Variants in ARHGEF10 observed in about 807,000 individuals in gnomAD.
The protein encoded by ARHGEF10 is Rho guanine nucleotide exchange factor 10, also known as Rho guanine nucleotide exchange factor (GEF) 10.
In ARHGEF10, 140 loss-of-function variants were observed where a neutral mutation model predicts 147.4. That is an observed-to-expected ratio of 0.95 (90% CI 0.83 to 1.09). The LOEUF (loss-of-function observed/expected upper bound fraction) is 1.09, where lower values mean the gene tolerates loss of function less well. Ranked by LOEUF, ARHGEF10 falls within the 50% of genes least tolerant of loss-of-function variation. The probability of loss-of-function intolerance (pLI) is 0.00; values close to 1 mark genes in which losing one functional copy is unlikely to be tolerated. For synonymous variants in ARHGEF10, 902 were observed against 695.8 expected (o/e 1.30, Z -4.67); for missense variants, 2,222 against 1,752.7 (o/e 1.27, Z -4.78).
chr8:1,843,755 A>G (rs1047237241), intron 2 of ARHGEF10, among the ~76,000 whole-genome samples: 1 of 152,306 alleles, frequency 6.6e-6, no homozygotes, highest in African/African-American at 2.4e-5. Context: ...GGGTTGTTAC[A>G]GAATGGCGCC....
chr8:1,871,798 C>T (rs1478325074), intron 7 of ARHGEF10, among the ~76,000 whole-genome samples: 1 of 152,110 alleles, frequency 6.6e-6, no homozygotes, highest in Non-Finnish European at 1.5e-5. Flanking sequence ...GCCTGGGCAA[C>T]AGAGCGAGAC....
intron 7 of ARHGEF10, among the ~76,000 whole-genome samples, chr8:1,874,777 A>AC (rs1563212557): frequency 5.1e-5 from 7 of 137,374 alleles, no homozygotes; most frequent in African/African-American, 2.0e-4. Flanking sequence ...GACACACACC[A>AC]GGGCGTGTAG....
chr8:1,857,881 TC>T, intron 2 of ARHGEF10, 78 bp from the exon 3 acceptor site: 2 of 608,892 alleles, frequency 3.3e-6, no homozygotes, highest in South Asian at 2.3e-5. Context: ...GATCGATCGA[TC>T]TATCTATCTA....
At position 1,957,452 on chromosome 8, in the gene ARHGEF10, G is replaced by C; in HGVS notation, c.*189G>C. Reference sequence around the variant, plus strand: ...TTCCTTCCTTCTCTTCTGTACAGCAGAAGTAATTACAAGCACTTCTCACGA... The same window carrying C: ...TTCCTTCCTTCTCTTCTGTACAGCACAAGTAATTACAAGCACTTCTCACGA... On this transcript the variant is annotated 3_prime_UTR_variant, in exon 29 of 29. Coordinates refer to ENST00000349830, the MANE Select transcript of ARHGEF10 (RefSeq NM_014629.4). The C allele has an allele frequency of 1.2e-6, 1 of 817,186 alleles. No homozygotes were observed. The highest frequency in any genetic ancestry group is 1.9e-6 in the Non-Finnish European group (1 of 532,856). The allele number at this position is 817,186 out of a possible 1,614,324, so 50.6% of individuals were successfully genotyped here.
At position 1,956,918 on chromosome 8, in the gene ARHGEF10, A is replaced by G. The variant is rs1412280190; in HGVS notation, c.3690A>G (p.Ser1230=). 2 of 1,614,154 alleles carry G rather than the reference A, an allele frequency of 1.2e-6. No homozygotes were observed. The highest frequency in any genetic ancestry group is 1.1e-5 in the South Asian group (1 of 91,080). The part of the protein sequence containing the change: ...KDALPSGGAG[S]SLSQGDPDAA... ...CACTTCCGAGTGGAGGAGCTGGTTC[A>G]TCTCTGAGCCAGGGTGACCCTGACG... is the stretch of plus-strand genomic sequence containing the variant. The change falls in exon 29 of 29, where the codon TCA becomes TCG. Residue 1230 remains serine (S), a synonymous_variant. Transcript: ENST00000349830.
chr8:1,833,415 C>T (rs112146234), intron 1 of ARHGEF10, among the ~76,000 whole-genome samples: 1 of 147,910 alleles, frequency 6.8e-6, no homozygotes, highest in African/African-American at 2.5e-5. Context: ...GAGACAGAGG[C>T]AGAGACAGAG....
In ARHGEF10 at chr8:1,845,308, C is replaced by T. The variant is rs79551701; in HGVS notation, c.37+1872C>T. 5.5e-3 allele frequency among the ~76,000 whole-genome samples: 835 copies of T among 152,336 alleles called. 7 individuals are homozygous for T. Among genetic ancestry groups the T allele is most frequent in the African/African-American group, 0.019 (799 of 41,566 alleles). ...CCCTCCAGGGGCCCCCTCCCGCCTC[C>T]CTGCTTTCTTTTTGGCATTTCTTGG... On this transcript the variant is annotated intron_variant, in intron 2 of 28. Transcript: ENST00000349830.
At chr8:1,831,237 GAC>G (rs1803080015) in intron 1 of ARHGEF10, among the ~76,000 whole-genome samples, 2 of 147,680 alleles carry the variant, frequency 1.4e-5, no homozygotes, top group Admixed American at 7.7e-5. Flanking sequence ...GGGACAGTGT[GAC>G]ATCCGTGGAG....
chr8:1,848,757 C>T lies in ARHGEF10; in HGVS notation c.37+5321C>T, dbSNP rs560387953. 2.0e-5 allele frequency among the ~76,000 whole-genome samples: 3 copies of T among 152,306 alleles called. No homozygotes were observed. In the South Asian group the frequency reaches 6.2e-4, roughly 32 times the overall value. On this transcript the variant is annotated intron_variant, in intron 2 of 28. Coordinates refer to ENST00000349830, the MANE Select transcript of ARHGEF10 (RefSeq NM_014629.4). ...TACTGTTAAAATTTTATTGAATATT[C>T]TTCCAGTGTTTTAGAAGTAGTCTTT...
In ARHGEF10 at chr8:1,857,981, C is replaced by A. The variant is rs759162890; in HGVS notation, c.59C>A (p.Thr20Asn). The part of the protein sequence containing the change: ...APAENEMKYD[T>N]NNNEEEEGEQ... ...TTAGAAAATGAAATGAAATATGATACCAATAATAATGAAGAGGAAGAGGGA... is the reference window on the plus strand; with the variant it reads ...TTAGAAAATGAAATGAAATATGATAACAATAATAATGAAGAGGAAGAGGGA... Residue 20 changes from threonine (T) to asparagine (N), a missense_variant, in exon 3 of 29, where the codon ACC becomes AAC. Coordinates refer to ENST00000349830, the MANE Select transcript of ARHGEF10 (RefSeq NM_014629.4). 1.2e-6 allele frequency: 2 copies of A among 1,613,712 alleles called. No individual in the cohort carries two copies. The highest frequency in any genetic ancestry group is 3.3e-5 in the Admixed American group (2 of 59,962).
intron 3 of ARHGEF10, 151 bp downstream of exon 3, chr8:1,858,266 TC>T: frequency 2.0e-6 from 1 of 499,222 alleles, no homozygotes; most frequent in South Asian, 4.4e-5. Flanking sequence ...CCTGGGGGGT[TC>T]CCAGGTGAGT....
At chr8:1,850,889 G>A (rs555261324) in intron 2 of ARHGEF10, among the ~76,000 whole-genome samples, 4 of 152,268 alleles carry the variant, frequency 2.6e-5, no homozygotes, top group South Asian at 4.1e-4. Context: ...CTGCCAAGCC[G>A]TGAAAAGACA....
At chr8:1,882,253 G>A (rs1244389669) in intron 9 of ARHGEF10, among the ~76,000 whole-genome samples, 1 of 152,352 alleles carries the variant, frequency 6.6e-6, no homozygotes, top group South Asian at 2.1e-4. Flanking sequence ...GCCCCGGGGA[G>A]GTTAAAAGGC....
intron 7 of ARHGEF10, chr8:1,870,327 T>C (rs1366511763): frequency 6.6e-6 from 1 of 150,538 alleles, no homozygotes; most frequent in Non-Finnish European, 1.5e-5. Flanking sequence ...TTATTTTAAC[T>C]TTGAAACCAG....
chr8:1,928,529 T>G lies in ARHGEF10; in HGVS notation c.2800T>G (p.Cys934Gly). ...CTTCAACGTGGAATCTCGCATCCTG[T>G]GCATGCTGTACGTTCCCGTCGAGGA... ...ECFNVESRILCMLYVPVEEKR... is the reference protein window; with the variant it reads ...ECFNVESRILGMLYVPVEEKR... The change falls in exon 24 of 29, where the codon TGC (cysteine) becomes GGC (glycine). Residue 934 changes from cysteine to glycine, a missense_variant. Physicochemically the swap from Cys to Gly is radical, Grantham distance 159. Transcript: ENST00000349830. 1 of 1,614,214 alleles carries G rather than the reference T, an allele frequency of 6.2e-7. No homozygotes were observed. Among genetic ancestry groups the G allele is most frequent in the Non-Finnish European group, 8.5e-7 (1 of 1,180,040 alleles).
At chr8:1,899,859 G>A (rs1810312746) in intron 15 of ARHGEF10, among the ~76,000 whole-genome samples, 1 of 152,220 alleles carries the variant, frequency 6.6e-6, no homozygotes, top group Non-Finnish European at 1.5e-5. Flanking sequence ...GCGCTTGGGA[G>A]GAAGGGGGTC....
At chr8:1,869,482 C>G (rs557224637) in intron 7 of ARHGEF10, 1 of 644,376 alleles carries the variant, frequency 1.6e-6, no homozygotes, top group Non-Finnish European at 2.8e-6. Flanking sequence ...CCCAAGCAAA[C>G]AGAGGAGTAA....
At chr8:1,865,246 C>G (rs1806481840) in intron 5 of ARHGEF10, among the ~76,000 whole-genome samples, 1 of 152,208 alleles carries the variant, frequency 6.6e-6, no homozygotes, top group Non-Finnish European at 1.5e-5. Flanking sequence ...AGGTGCACAG[C>G]ACAGCACACA....
chr8:1,857,512 C>T (rs952987931), intron 2 of ARHGEF10, among the ~76,000 whole-genome samples: 25 of 151,596 alleles, frequency 1.6e-4, no homozygotes, highest in African/African-American at 3.9e-4. Flanking sequence ...CTCCGCCTCT[C>T]GGGTTCAAGC....
Sources: allele counts gnomAD v4.1 joint callset (sites outside exome capture counted in the v4.1 genomes callset), GRCh38; gene constraint gnomAD v4.1.1; transcripts MANE v1.5; gene names NCBI Gene and HGNC (gene_info 2026-07-23, HGNC 2026-07-21).